The following DMXL2 variants were observed in gnomAD, a reference collection of about 807,000 sequenced individuals.
The protein encoded by DMXL2 is Dmx like 2.
DMXL2 carries 103 observed loss-of-function variants against 331.1 expected under a neutral mutation model. The observed-to-expected ratio is 0.31, with a 90% CI of 0.27 to 0.37. The LOEUF (loss-of-function observed/expected upper bound fraction) is 0.37, where lower values mean the gene tolerates loss of function less well. Among genes scored for constraint, DMXL2 ranks in the 10% least tolerant of loss-of-function variants. DMXL2 has a pLI of 1.00. For synonymous variants in DMXL2, 1,281 were observed against 1,252.1 expected (o/e 1.02, Z -0.49); for missense variants, 3,171 against 3,642.9 (o/e 0.87, Z 3.33).
chr15:51,564,899 A>G (rs888515808), intron 4 of DMXL2, among the ~76,000 whole-genome samples, 189 bp downstream of exon 4: 2 of 152,118 alleles, frequency 1.3e-5, no homozygotes, highest in East Asian at 1.9e-4. Context: ...AAGGCAGGGG[A>G]AAAAACAGAA....
chr15:51,465,605 C>T lies in DMXL2; in HGVS notation c.7567G>A (p.Val2523Ile), dbSNP rs372941364. ...CCAGCAATAGGAAAGAAATTCTTGA[C>T]ATTGTGAAGTGCTAGTTTAACCATT... ...LTMVKLALHNVKNFFPIAGLE... is the reference protein window; with the variant it reads ...LTMVKLALHNIKNFFPIAGLE... The change falls in exon 31 of 44, where the codon GTC (valine) becomes ATC (isoleucine). Residue 2523 changes from valine (V) to isoleucine (I), a missense_variant. Val to Ile is a conservative substitution (Grantham distance 29). Transcript: ENST00000560891. The T allele has an allele frequency of 1.4e-5, 22 of 1,607,796 alleles. No individual in the cohort carries two copies. The Admixed American group carries it at 1.5e-4, about 11-fold the overall frequency.
At chr15:51,605,396 T>G (rs2053508794) in intron 1 of DMXL2, among the ~76,000 whole-genome samples, 1 of 152,040 alleles carries the variant, frequency 6.6e-6, no homozygotes, top group Non-Finnish European at 1.5e-5. Context: ...AGACAGGGTT[T>G]CACCGTGTTG....
intron 1 of DMXL2, among the ~76,000 whole-genome samples, chr15:51,595,872 GA>G (rs1334430138): frequency 6.6e-6 from 1 of 152,202 alleles, no homozygotes; most frequent in Non-Finnish European, 1.5e-5. Context: ...GCCATAGGTA[GA>G]AAGCTGAAAC....
Position 51,450,075 on chromosome 15 carries a change from T to G in DMXL2, c.8967+54A>C, listed in dbSNP as rs945967585. ...ATTTCAAAGAATGTGGAGTTTTTGT[T>G]TTTTCTCTTTCCAATCAGTCTTTAG... On this transcript the variant is annotated intron_variant, in intron 43 of 43. Transcript: ENST00000560891. The G allele has an allele frequency of 2.0e-6, 3 of 1,513,250 alleles. No homozygotes were observed. The African/African-American group carries it at 4.2e-5, about 21-fold the overall frequency. The allele number at this position is 1,513,250 out of a possible 1,614,324, so 93.7% of individuals were successfully genotyped here.
At position 51,560,884 on chromosome 15, in the gene DMXL2, T is replaced by C. The variant is rs189263542; in HGVS notation, c.567+2497A>G. On this transcript the variant is annotated intron_variant, in intron 6 of 43. Transcript: ENST00000560891. Reference sequence around the variant, plus strand: ...TAAAGGACCCATTTGTTTTATGTTCTTTGTCTCAAGTTGAGGAGTAGGGTA... The same window carrying C: ...TAAAGGACCCATTTGTTTTATGTTCCTTGTCTCAAGTTGAGGAGTAGGGTA... 5.4e-3 allele frequency among the ~76,000 whole-genome samples: 814 copies of C among 152,006 alleles called. 23 individuals carry two copies. Among genetic ancestry groups the C allele is most frequent in the Non-Finnish European group, 1.5e-3 (101 of 67,976 alleles).
At position 51,488,762 on chromosome 15, in the gene DMXL2, A is replaced by T. The variant is rs944041547; in HGVS notation, c.4954-117T>A. ...TGATAGAAACTGTGGAGACAGAAAA[A>T]GTTGGTTCTGTTTCACAATCTCCAG... is the stretch of plus-strand genomic sequence containing the variant. On this transcript the variant is annotated intron_variant, in intron 20 of 43. Coordinates refer to ENST00000560891, the MANE Select transcript of DMXL2 (RefSeq NM_001378457.1). 6 of 888,628 alleles carry T rather than the reference A, an allele frequency of 6.8e-6. No individual in the cohort carries two copies. In the African/African-American group the frequency reaches 8.5e-5, roughly 13 times the overall value. 55.0% of individuals were successfully genotyped at this position (888,628 alleles called of 1,614,324 possible). A position where few individuals can be genotyped will look rare whatever the true frequency, so the allele number is the denominator to read the frequency against.
At chr15:51,523,965 C>A (rs2047522888) in intron 13 of DMXL2, among the ~76,000 whole-genome samples, 1 of 152,180 alleles carries the variant, frequency 6.6e-6, no homozygotes, top group African/African-American at 2.4e-5. Context: ...CTCAACAACA[C>A]CATCAATCAA....
At chr15:51,468,031 T>C (rs1248534403) in intron 29 of DMXL2, among the ~76,000 whole-genome samples, 2 of 152,184 alleles carry the variant, frequency 1.3e-5, no homozygotes, top group South Asian at 2.1e-4. Flanking sequence ...GGGCCTGACC[T>C]AGTACTTCTT....
At chr15:51,493,206 C>T (rs1273280291) in intron 19 of DMXL2, among the ~76,000 whole-genome samples, 2 of 152,076 alleles carry the variant, frequency 1.3e-5, no homozygotes, top group Non-Finnish European at 2.9e-5. Context: ...GAGAGAATTA[C>T]TTTATCAAAT....
Position 51,480,856 on chromosome 15 carries a change from A to C in DMXL2, c.6250T>G (p.Leu2084Val). Reference protein sequence around the residue: ...YNWLEKEIAALHEICNHESVI... With the variant: ...YNWLEKEIAAVHEICNHESVI... ...GATTCATGATTACATATCTCATGCA[A>C]GGCAGCAATTTCCTTTTCAAGCCAG... The change falls in exon 24 of 44, where the codon TTG (leucine) becomes GTG (valine). Residue 2084 changes from leucine (L) to valine (V), a missense_variant. By Grantham distance (32) the Leu-to-Val change is conservative. Transcript: ENST00000560891. 1.9e-6 allele frequency: 3 copies of C among 1,613,120 alleles called. No homozygotes were observed. The highest frequency in any genetic ancestry group is 2.5e-6 in the Non-Finnish European group (3 of 1,179,632).
At chr15:51,549,800 T>C (rs542052242) in intron 6 of DMXL2, among the ~76,000 whole-genome samples, 1 of 152,240 alleles carries the variant, frequency 6.6e-6, no homozygotes, top group East Asian at 1.9e-4. Flanking sequence ...CATTTTTTGA[T>C]GGGATTGTTT....
At chr15:51,454,843 T>A (rs1050504235) in intron 40 of DMXL2, among the ~76,000 whole-genome samples, 2 of 152,104 alleles carry the variant, frequency 1.3e-5, no homozygotes, top group African/African-American at 4.8e-5. Context: ...ATTAAGAAGA[T>A]AGAGTTTTCA....
At chr15:51,529,347 T>C (rs911844925) in intron 13 of DMXL2, among the ~76,000 whole-genome samples, 1 of 151,594 alleles carries the variant, frequency 6.6e-6, no homozygotes, top group African/African-American at 2.4e-5. Flanking sequence ...AAAACAAAAT[T>C]GACAAGTTTT....
chr15:51,457,602 A>G, intron 36 of DMXL2, 136 bp from the exon 37 acceptor site: 1 of 1,005,560 alleles, frequency 9.9e-7, no homozygotes, highest in South Asian at 1.7e-5. Context: ...ACTTAGGTAC[A>G]AGTCCTAATC....
rs151116676 is a variant in DMXL2 at position 51,517,387 on chromosome 15, A to G, written c.2437-220T>C. ...ATAATGTTTACAAAAATAGCATATA[A>G]CTTCAAGGTATCATATCTTCTTCAT... On this transcript the variant is annotated intron_variant, in intron 13 of 43. Coordinates refer to ENST00000560891, the MANE Select transcript of DMXL2 (RefSeq NM_001378457.1). Among the ~76,000 whole-genome samples the G allele has an allele frequency of 1.2e-3, 187 of 152,342 alleles. 1 individual carries two copies. The highest frequency in any genetic ancestry group is 1.4e-3 in the Non-Finnish European group (97 of 68,026).
intron 6 of DMXL2, among the ~76,000 whole-genome samples, chr15:51,561,002 T>TTA (rs1308372189): frequency 6.6e-6 from 1 of 150,860 alleles, no homozygotes; most frequent in Non-Finnish European, 1.5e-5. Flanking sequence ...TTAAAAAAAA[T>TTA]CAGAGAATTT....
In DMXL2 at chr15:51,481,000, C is replaced by A; in HGVS notation, c.6106G>T (p.Asp2036Tyr). 1 of 1,614,164 alleles carries A rather than the reference C, an allele frequency of 6.2e-7. No homozygotes were observed. Among genetic ancestry groups the A allele is most frequent in the South Asian group, 1.1e-5 (1 of 91,082 alleles). The change falls in exon 24 of 44, where the codon GAT (aspartate) becomes TAT (tyrosine). Residue 2036 changes from aspartate (D) to tyrosine (Y), a missense_variant. Around this residue, in one of 7 missense-constraint regions of DMXL2, gnomAD observed 244 missense variants for 251.4 expected, o/e 0.97. Coordinates refer to ENST00000560891, the MANE Select transcript of DMXL2 (RefSeq NM_001378457.1). ...AATTTTAGTTGTTCAGCAATCACAT[C>A]AACTTCAGTATCACCTTCAGGATCA... ...EDDPEGDTEV[D>Y]VIAEQLKFRA... is the part of the protein sequence containing the mutation.
chr15:51,527,076 C>G (rs2047716266), intron 13 of DMXL2, among the ~76,000 whole-genome samples: 1 of 152,144 alleles, frequency 6.6e-6, no homozygotes, highest in African/African-American at 2.4e-5. Flanking sequence ...TCAAAGAAGA[C>G]TACCTCGAGG....
At chr15:51,616,267 G>A (rs1176433460) in intron 1 of DMXL2, among the ~76,000 whole-genome samples, 2 of 152,022 alleles carry the variant, frequency 1.3e-5, no homozygotes, top group African/African-American at 4.8e-5. Context: ...TTTTTTAGGT[G>A]TTCAGGACTA....
Sources: gnomAD v4.1 joint callset for allele counts (sites outside exome capture counted in the v4.1 genomes callset) on GRCh38, gnomAD v4.1.1 for gene constraint, gnomAD v4.1.1 regional missense constraint, MANE v1.5 for transcripts, NCBI Gene and HGNC (gene_info 2026-07-23, HGNC 2026-07-21) for gene names.